The following EEF2KMT variants were observed in gnomAD, a reference collection of about 807,000 sequenced individuals.
The protein encoded by EEF2KMT is protein-lysine N-methyltransferase EEF2KMT.
A neutral mutation model predicts 35.1 loss-of-function variants in EEF2KMT; 30 were observed. That is an observed-to-expected ratio of 0.85 (90% CI 0.64 to 1.16). The LOEUF (loss-of-function observed/expected upper bound fraction) is 1.16, where lower values mean the gene tolerates loss of function less well. Among genes scored for constraint, EEF2KMT ranks in the 50% most tolerant of loss-of-function variants. The pLI is 0.00. For synonymous variants in EEF2KMT, 190 were observed against 187.7 expected (o/e 1.01, Z -0.10); for missense variants, 499 against 438.2 (o/e 1.14, Z -1.24).
At chr16:5,089,998 G>C in intron 6 of EEF2KMT, 86 bp downstream of exon 6, 3 of 1,572,880 alleles carry the variant, frequency 1.9e-6, no homozygotes, top group Non-Finnish European at 2.6e-6. Context: ...GCCCGACAGC[G>C]TCCATTGTTC....
rs752247084 is a variant in EEF2KMT, at chr16:5,091,774, G to C, written c.342+20C>G. 2.1e-5 allele frequency: 34 copies of C among 1,611,306 alleles called. No individual in the cohort carries two copies. The African/African-American group carries it at 4.3e-4, about 20-fold the overall frequency. ...AAGGGTATCTGGGCTGTGAGGGGGA[G>C]GAGGGTGCCCTTCTCATACCAGCAA... On this transcript the variant is annotated intron_variant, in intron 4 of 7. Coordinates refer to ENST00000427587, the MANE Select transcript of EEF2KMT (RefSeq NM_201400.4).
chr16:5,088,546 C>T (rs894806573), intron 7 of EEF2KMT, among the ~76,000 whole-genome samples: 3 of 152,068 alleles, frequency 2.0e-5, no homozygotes, highest in East Asian at 1.9e-4. Flanking sequence ...CTCTTGGCCT[C>T]CGTGTGTCCT....
chr16:5,097,618 G>A (rs1170988514), intron 1 of EEF2KMT, 26 bp downstream of exon 1: 4 of 1,541,682 alleles, frequency 2.6e-6, no homozygotes, highest in Non-Finnish European at 3.5e-6. Flanking sequence ...AGCCCCGCGG[G>A]CCTCTCCGCT....
At chr16:5,092,336 T>G (rs1298920759) in intron 3 of EEF2KMT, among the ~76,000 whole-genome samples, 3 of 152,162 alleles carry the variant, frequency 2.0e-5, no homozygotes, top group Non-Finnish European at 4.4e-5. Flanking sequence ...TGCTTTTAAG[T>G]GAGCCCAGGC....
intron 7 of EEF2KMT, 130 bp downstream of exon 7, chr16:5,088,977 G>T (rs1394249022): frequency 1.5e-5 from 23 of 1,583,504 alleles, no homozygotes; most frequent in Admixed American, 6.7e-5. Context: ...GCCTCTGCCT[G>T]AGTTCCCCCC....
rs757977348 is a variant in EEF2KMT at position 5,095,486 on chromosome 16, G to C, written c.125C>G (p.Ser42Ter). Reference protein sequence around the residue: ...QSLEAKLRDSSDSELLRDILH... With the variant: ...QSLEAKLRDS ...AATATCCCGCAGCAGCTCAGAATCT[G>C]ATGAGTCTCTTAACTTTGCTTCTAA... Residue 42 changes from serine to a stop codon, truncating the protein, a stop_gained, in exon 2 of 8, where the codon TCA (serine) becomes TGA (stop). Transcript: ENST00000427587. LOFTEE classifies it high-confidence loss of function. The C allele has an allele frequency of 6.2e-7, 1 of 1,611,516 alleles. No homozygotes were observed. The highest frequency in any genetic ancestry group is 2.2e-5 in the East Asian group (1 of 44,870).
chr16:5,089,805 G>C (rs554598844), intron 6 of EEF2KMT, among the ~76,000 whole-genome samples: 1 of 152,332 alleles, frequency 6.6e-6, no homozygotes, highest in East Asian at 1.9e-4. Context: ...TTTTCCTCCT[G>C]TGGTCTCTGA....
At chr16:5,087,640 A>G (rs1957225834) in intron 7 of EEF2KMT, among the ~76,000 whole-genome samples, 1 of 152,062 alleles carries the variant, frequency 6.6e-6, no homozygotes. Context: ...TCTACAAACA[A>G]TACAAAAAAT....
chr16:5,088,832 C>T (rs1409481391), intron 7 of EEF2KMT, among the ~76,000 whole-genome samples: 1 of 152,122 alleles, frequency 6.6e-6, no homozygotes, highest in Non-Finnish European at 1.5e-5. Flanking sequence ...GATGAGGAAA[C>T]CGAGGCCCAA....
At chr16:5,095,683 C>T (rs958203551) in intron 1 of EEF2KMT, among the ~76,000 whole-genome samples, 169 bp from the exon 2 acceptor site, 8 of 152,114 alleles carry the variant, frequency 5.3e-5, no homozygotes, top group Non-Finnish European at 1.0e-4. Context: ...TCGCAGGGTG[C>T]ACCTGGATGA....
chr16:5,090,169 GGGGCTGTCTAACTT>G lies in EEF2KMT; in HGVS notation c.643_656del (p.Lys215GlnfsTer58), dbSNP rs1446331035. 4 of 1,611,520 alleles carry G rather than the reference GGGGCTGTCTAACTT, an allele frequency of 2.5e-6. No homozygotes were observed. Among genetic ancestry groups the G allele is most frequent in the Admixed American group, 3.3e-5 (2 of 60,008 alleles). ...AGTCCAGCTGGGCCACTGTCACCCT[GGGGCTGTCTAACTT>G]GGCAGTGATGTCTGCCTCTAATGAG... is the stretch of plus-strand genomic sequence containing the variant. On this transcript the variant is annotated frameshift_variant, in exon 6 of 8. Transcript: ENST00000427587. LOFTEE classifies it high-confidence loss of function. This position sits in a 1 kb window ranked among gnomAD's most constrained non-coding sequence, Gnocchi z 4.1.
chr16:5,086,853 G>C (rs891459017), intron 7 of EEF2KMT: 1 of 152,208 alleles, frequency 6.6e-6, no homozygotes, highest in Non-Finnish European at 1.5e-5. Flanking sequence ...TTTTAGTAGA[G>C]ATGGGGTTTC....
At chr16:5,091,504 C>G (rs911510266) in intron 4 of EEF2KMT, among the ~76,000 whole-genome samples, 1 of 152,252 alleles carries the variant, frequency 6.6e-6, no homozygotes, top group African/African-American at 2.4e-5. Flanking sequence ...CGTGAGCCAC[C>G]ACGCCCAGCC....
Position 5,090,382 on chromosome 16 carries a change from T to G in EEF2KMT, c.477-33A>C, listed in dbSNP as rs770600088. 2 of 1,612,028 alleles carry G rather than the reference T, an allele frequency of 1.2e-6. No homozygotes were observed. Among genetic ancestry groups the G allele is most frequent in the African/African-American group, 2.7e-5 (2 of 74,982 alleles). ...GAGGAAAGGGGACCGTGTCTGCGAC[T>G]GCACCAGGGTAAGCCTGCCTCGGTG... On this transcript the variant is annotated intron_variant, in intron 5 of 7. Coordinates refer to ENST00000427587, the MANE Select transcript of EEF2KMT (RefSeq NM_201400.4). This position sits in a 1 kb window ranked among gnomAD's most constrained non-coding sequence, Gnocchi z 4.1.
chr16:5,088,721 C>T (rs917462409), intron 7 of EEF2KMT, among the ~76,000 whole-genome samples: 9 of 152,150 alleles, frequency 5.9e-5, no homozygotes, highest in African/African-American at 1.7e-4. Flanking sequence ...AGGACAGTGG[C>T]GTGGTGGATC....
intron 2 of EEF2KMT, among the ~76,000 whole-genome samples, chr16:5,094,358 G>T (rs1957407075): frequency 6.6e-6 from 1 of 152,332 alleles, no homozygotes; most frequent in Non-Finnish European, 1.5e-5. Flanking sequence ...TGCCTCCTGG[G>T]TTCAAGCGAT....
In EEF2KMT at chr16:5,090,090, C is replaced by A; in HGVS notation, c.736G>T (p.Ala246Ser). The change falls in exon 6 of 8, where the codon GCA becomes TCA. Residue 246 changes from alanine to serine, a missense_variant. Ala to Ser is a moderately conservative substitution (Grantham distance 99). Coordinates refer to ENST00000427587, the MANE Select transcript of EEF2KMT (RefSeq NM_201400.4). This position sits in a 1 kb window ranked among gnomAD's most constrained non-coding sequence, Gnocchi z 4.1. ...GCCCGGGGCTGGGCATTACCTGCTG[C>A]AATGACAACATCTGGCTGGAAGGCA... ...LSAFQPDVVI[A>S]ADVLYCPEAI... The A allele has an allele frequency of 6.2e-7, 1 of 1,605,106 alleles. No individual in the cohort carries two copies. The highest frequency in any genetic ancestry group is 2.2e-5 in the East Asian group (1 of 44,878).
Position 5,093,377 on chromosome 16 carries a change from C to G in EEF2KMT, c.240+107G>C, listed in dbSNP as rs534802349. The G allele has an allele frequency of 2.1e-5, 33 of 1,560,084 alleles. 1 individual carries two copies. The Admixed American group carries it at 2.7e-4, about 13-fold the overall frequency. ...AGCCAGTTGCCTGGGGAGGCCCCTG[C>G]CATGCTGGGGTTTGCAAAGCAGGCC... On this transcript the variant is annotated intron_variant, in intron 3 of 7. Coordinates refer to ENST00000427587, the MANE Select transcript of EEF2KMT (RefSeq NM_201400.4).
rs2142793734 is a variant in EEF2KMT, at chr16:5,097,678, A to G, written c.62T>C (p.Leu21Pro). 1 of 1,580,200 alleles carries G rather than the reference A, an allele frequency of 6.3e-7. No individual in the cohort carries two copies. Among genetic ancestry groups the G allele is most frequent in the East Asian group, 2.3e-5 (1 of 43,584 alleles). Reference sequence around the variant, plus strand: ...GAAGGAGCGCAGTGTGCGTGCCGCCAGGAAGCGGCGCTCGAAACTCTGCAG... The same window carrying G: ...GAAGGAGCGCAGTGTGCGTGCCGCCGGGAAGCGGCGCTCGAAACTCTGCAG... Reference protein sequence around the residue: ...LLLQSFERRFLAARTLRSFPW... With the variant: ...LLLQSFERRFPAARTLRSFPW... Residue 21 changes from leucine (L) to proline (P), a missense_variant, in exon 1 of 8, where the codon CTG (leucine) becomes CCG (proline). Coordinates refer to ENST00000427587, the MANE Select transcript of EEF2KMT (RefSeq NM_201400.4).
Sources: allele counts gnomAD v4.1 joint callset (sites outside exome capture counted in the v4.1 genomes callset), GRCh38; gene constraint gnomAD v4.1.1; non-coding constraint Gnocchi (gnomAD v3.1); transcripts MANE v1.5; gene names NCBI Gene and HGNC (gene_info 2026-07-23, HGNC 2026-07-21).